Variants in MINDY4 observed in about 807,000 individuals in gnomAD.
MINDY4 encodes MINDY lysine 48 deubiquitinase 4, also known as probable ubiquitin carboxyl-terminal hydrolase MINDY-4.
In MINDY4, 68 loss-of-function variants were observed where a neutral mutation model predicts 87.0. The ratio of observed to expected loss-of-function variants is 0.78; its 90% CI spans 0.64 to 0.96. MINDY4 has a LOEUF of 0.96. Among genes scored for constraint, MINDY4 ranks in the 40% least tolerant of loss-of-function variants. The probability of loss-of-function intolerance (pLI) is 0.00; values close to 1 mark genes in which losing one functional copy is unlikely to be tolerated. For synonymous variants in MINDY4, 379 were observed against 363.2 expected, an observed-to-expected ratio of 1.04 and a Z score of -0.50; for missense variants, 919 against 928.2, an observed-to-expected ratio of 0.99 and a Z score of 0.13.
intron 6 of MINDY4, among the ~76,000 whole-genome samples, chr7:30,836,092 G>A (rs1788848797): frequency 1.3e-5 from 2 of 152,138 alleles, no homozygotes; most frequent in African/African-American, 4.8e-5. Flanking sequence ...TATAAGTGGG[G>A]GTAATGATAA....
chr7:30,832,306 C>CA (rs1292677120), intron 6 of MINDY4, among the ~76,000 whole-genome samples: 1 of 152,230 alleles, frequency 6.6e-6, no homozygotes, highest in African/African-American at 2.4e-5. Flanking sequence ...CTCCAGGAAA[C>CA]AATCTGGCTC....
Position 30,786,004 on chromosome 7 carries a change from G to A in MINDY4, c.663+12G>A. ...CCAGCTCCCCACAGGTGGGGCTGTT[G>A]CTCTTTCTGTTGTTATGGGACTGGA... On this transcript the variant is annotated intron_variant, in intron 4 of 17. Transcript: ENST00000265299. 3 of 1,613,352 alleles carry A rather than the reference G, an allele frequency of 1.9e-6. No homozygotes were observed. The highest frequency in any genetic ancestry group is 2.5e-6 in the Non-Finnish European group (3 of 1,179,682).
rs747054330 is a variant in MINDY4, at chr7:30,840,798, T to C, written c.1395T>C (p.Cys465=). The change falls in exon 9 of 18, where the codon TGT becomes TGC. Residue 465 remains cysteine (C), a synonymous_variant. Coordinates refer to ENST00000265299, the MANE Select transcript of MINDY4 (RefSeq NM_032222.3). ...GAGTCCTGGCAGCTGTCCAAGGCTG[T>C]GTCCTACAGAAACTCCTGTTTGAAG... The part of the protein sequence containing the change: ...PCGVLAAVQG[C]VLQKLLFEGD... The C allele has an allele frequency of 5.6e-6, 9 of 1,614,192 alleles. No homozygotes were observed. Among genetic ancestry groups the C allele is most frequent in the Non-Finnish European group, 7.6e-6 (9 of 1,180,024 alleles).
chr7:30,842,545 AGT>A (rs952868118), intron 9 of MINDY4, among the ~76,000 whole-genome samples: 13 of 152,174 alleles, frequency 8.5e-5, no homozygotes, highest in African/African-American at 2.9e-4. Flanking sequence ...AAATGTGCAG[AGT>A]GTGCTTAGCA....
chr7:30,843,474 T>TC (rs1234621839), intron 9 of MINDY4, among the ~76,000 whole-genome samples: 1 of 152,220 alleles, frequency 6.6e-6, no homozygotes, highest in Non-Finnish European at 1.5e-5. Flanking sequence ...CTTTTGAACT[T>TC]CACCGTGGGC....
chr7:30,784,599 G>C (rs1310610784), intron 3 of MINDY4, among the ~76,000 whole-genome samples: 2 of 152,228 alleles, frequency 1.3e-5, no homozygotes, highest in Non-Finnish European at 2.9e-5. Context: ...AAACTCCTTA[G>C]AATACAAGCC....
intron 6 of MINDY4, among the ~76,000 whole-genome samples, chr7:30,830,519 C>G (rs1204424650): frequency 6.6e-6 from 1 of 152,188 alleles, no homozygotes; most frequent in Non-Finnish European, 1.5e-5. Flanking sequence ...GAAGGGGAAG[C>G]AAACATGTCC....
intron 8 of MINDY4, among the ~76,000 whole-genome samples, 184 bp downstream of exon 8, chr7:30,839,500 T>C (rs1275580473): frequency 6.6e-6 from 1 of 152,204 alleles, no homozygotes; most frequent in Non-Finnish European, 1.5e-5. Context: ...CAGCAAGAGC[T>C]GGGGAATAAG....
At chr7:30,849,298 C>A in intron 9 of MINDY4, among the ~76,000 whole-genome samples, 1 of 152,190 alleles carries the variant, frequency 6.6e-6, no homozygotes, top group East Asian at 1.9e-4. Flanking sequence ...CCTCTGTATT[C>A]CTTTGAGCCC....
intron 9 of MINDY4, among the ~76,000 whole-genome samples, chr7:30,848,139 T>C (rs960341397): frequency 3.3e-5 from 5 of 152,350 alleles, no homozygotes; most frequent in Admixed American, 6.5e-5. Flanking sequence ...GGGGTCTCCT[T>C]ACTTCCAGAT....
At chr7:30,774,531 C>G (rs1056337873) in intron 1 of MINDY4, among the ~76,000 whole-genome samples, 49 of 150,436 alleles carry the variant, frequency 3.3e-4, no homozygotes, top group Admixed American at 1.3e-4. Flanking sequence ...ATAGAAACCC[C>G]ATAAAGGACC....
intron 1 of MINDY4, among the ~76,000 whole-genome samples, chr7:30,777,663 G>C (rs1272672420): frequency 9.9e-5 from 15 of 152,124 alleles, no homozygotes; most frequent in Admixed American, 9.8e-4. Context: ...TGGGGGTCTG[G>C]AATCCATTAA....
chr7:30,805,933 C>G (rs1408222201), intron 5 of MINDY4, among the ~76,000 whole-genome samples: 1 of 152,118 alleles, frequency 6.6e-6, no homozygotes, highest in Non-Finnish European at 1.5e-5. Context: ...TTCACAGAGG[C>G]AGGGTGCACG....
At chr7:30,852,684 C>T (rs944234599) in intron 11 of MINDY4, among the ~76,000 whole-genome samples, 1 of 152,110 alleles carries the variant, frequency 6.6e-6, no homozygotes, top group African/African-American at 2.4e-5. Flanking sequence ...ACTTTAATAG[C>T]ATGGAACACC....
intron 15 of MINDY4, among the ~76,000 whole-genome samples, chr7:30,877,830 T>TACAGGGACATGC (rs1790319372): frequency 1.8e-5 from 1 of 56,770 alleles, no homozygotes; most frequent in African/African-American, 3.0e-4. Flanking sequence ...TGCTTTTTTT[T>TACAGGGACATGC]TTTTTTTTTT....
intron 7 of MINDY4, among the ~76,000 whole-genome samples, chr7:30,838,551 A>G (rs1339773351): frequency 6.6e-6 from 1 of 152,136 alleles, no homozygotes; most frequent in Admixed American, 6.5e-5. Context: ...CATGGTATGA[A>G]CACAGCCATG....
chr7:30,812,652 G>A (rs58125099), intron 5 of MINDY4, among the ~76,000 whole-genome samples: 26,462 of 152,128 alleles, frequency 0.17, 2,824 homozygotes, highest in African/African-American at 0.29. Context: ...CAAGGAATCA[G>A]TGGTTACAGA....
At chr7:30,841,467 A>G (rs973923863) in intron 9 of MINDY4, among the ~76,000 whole-genome samples, 33 of 152,298 alleles carry the variant, frequency 2.2e-4, no homozygotes, top group African/African-American at 7.5e-4. Context: ...CCCCAATCCC[A>G]TACCATCGTT....
Position 30,840,780 on chromosome 7 carries a change from G to A in MINDY4, c.1377G>A (p.Leu459=), listed in dbSNP as rs765896796. The A allele has an allele frequency of 1.2e-6, 2 of 1,614,120 alleles. No homozygotes were observed. ...VQNKGGPCGV[L]AAVQGCVLQK... Reference sequence around the variant, plus strand: ...TGCAGGGTGGTCCTTGCGGAGTCCTGGCAGCTGTCCAAGGCTGTGTCCTAC... The same window carrying A: ...TGCAGGGTGGTCCTTGCGGAGTCCTAGCAGCTGTCCAAGGCTGTGTCCTAC... Residue 459 remains leucine (L), a synonymous_variant, in exon 9 of 18, where the codon CTG becomes CTA. Transcript: ENST00000265299.
Sources: gnomAD v4.1 joint callset for allele counts (sites outside exome capture counted in the v4.1 genomes callset) on GRCh38, gnomAD v4.1.1 for gene constraint, MANE v1.5 for transcripts, NCBI Gene and HGNC (gene_info 2026-07-23, HGNC 2026-07-21) for gene names.